The following DPYD variants were observed in gnomAD, a reference collection of about 807,000 sequenced individuals.
DPYD encodes the protein dihydropyrimidine dehydrogenase [NADP(+)].
DPYD carries 109 observed loss-of-function variants against 116.2 expected under a neutral mutation model. That is an observed-to-expected ratio of 0.94 (90% CI 0.80 to 1.10). The LOEUF (loss-of-function observed/expected upper bound fraction) is 1.10, where lower values mean the gene tolerates loss of function less well. Among genes scored for constraint, DPYD ranks in the 50% least tolerant of loss-of-function variants. The pLI is 0.00. For missense variants in DPYD, 1,302 were observed against 1,254.5 expected, an observed-to-expected ratio of 1.04 and a Z score of -0.57; for synonymous variants, 440 against 432.0, an observed-to-expected ratio of 1.02 and a Z score of -0.23.
chr1:97,720,512 G>A (rs950248777), intron 5 of DPYD: 23 of 1,006,192 alleles, frequency 2.3e-5, no homozygotes, highest in South Asian at 4.5e-5. Flanking sequence ...CCACAACCTC[G>A]AATTGTTTTT....
intron 13 of DPYD, among the ~76,000 whole-genome samples, chr1:97,499,969 C>A (rs910110460): frequency 1.3e-5 from 2 of 151,802 alleles, no homozygotes; most frequent in Admixed American, 6.6e-5. Flanking sequence ...ACATTCAGGT[C>A]TCTTATGAAG....
At chr1:97,572,150 C>T (rs970823353) in intron 11 of DPYD, among the ~76,000 whole-genome samples, 4 of 151,776 alleles carry the variant, frequency 2.6e-5, no homozygotes, top group Non-Finnish European at 5.9e-5. Flanking sequence ...TAAGAGGTGG[C>T]ATATGTGAAG....
intron 19 of DPYD, among the ~76,000 whole-genome samples, chr1:97,195,674 A>ATATG (rs1658750437): frequency 1.3e-5 from 1 of 79,730 alleles, no homozygotes; most frequent in African/African-American, 6.0e-5. Flanking sequence ...ATATATATAT[A>ATATG]TATATATATA....
At chr1:97,525,068 C>T (rs1237375232) in intron 12 of DPYD, among the ~76,000 whole-genome samples, 1 of 152,164 alleles carries the variant, frequency 6.6e-6, no homozygotes, top group East Asian at 1.9e-4. Context: ...AATCTATTGT[C>T]CCTTTTTCCA....
At chr1:97,268,832 T>C (rs1664396414) in intron 18 of DPYD, among the ~76,000 whole-genome samples, 1 of 152,212 alleles carries the variant, frequency 6.6e-6, no homozygotes, top group South Asian at 2.1e-4. Context: ...GAATAAAACC[T>C]GGATTTCTTC....
intron 19 of DPYD, among the ~76,000 whole-genome samples, chr1:97,201,430 T>C (rs1202002853): frequency 3.3e-5 from 5 of 152,284 alleles, no homozygotes; most frequent in African/African-American, 9.6e-5. Context: ...CATTGTACTT[T>C]AAAAATGGAT....
chr1:97,263,768 T>A (rs1414548284), intron 18 of DPYD, among the ~76,000 whole-genome samples: 1 of 152,118 alleles, frequency 6.6e-6, no homozygotes, highest in East Asian at 1.9e-4. Context: ...GACATCTACA[T>A]TCTCCTTTTC....
intron 10 of DPYD, among the ~76,000 whole-genome samples, chr1:97,581,302 G>A (rs1316457167): frequency 7.2e-6 from 1 of 139,746 alleles, no homozygotes; most frequent in Admixed American, 7.5e-5. Context: ...ACTCCAGCCT[G>A]GGCGACAGAG....
chr1:97,344,399 T>A (rs187772836), intron 16 of DPYD, among the ~76,000 whole-genome samples: 3 of 151,904 alleles, frequency 2.0e-5, no homozygotes, highest in Non-Finnish European at 4.4e-5. Flanking sequence ...TGTTCATATA[T>A]AGACAATTGT....
At chr1:97,413,014 T>C (rs887469359) in intron 14 of DPYD, among the ~76,000 whole-genome samples, 3 of 152,176 alleles carry the variant, frequency 2.0e-5, no homozygotes, top group African/African-American at 7.2e-5. Flanking sequence ...TTCACATCCA[T>C]GATCATGAAT....
chr1:97,492,537 C>T (rs553154572), intron 13 of DPYD, among the ~76,000 whole-genome samples: 7 of 152,244 alleles, frequency 4.6e-5, no homozygotes, highest in East Asian at 1.9e-4. Flanking sequence ...GGACTATTGA[C>T]GTTCCACGTA....
chr1:97,805,213 C>T (rs778432222), intron 3 of DPYD, among the ~76,000 whole-genome samples: 1 of 151,718 alleles, frequency 6.6e-6, no homozygotes, highest in Admixed American at 6.6e-5. Context: ...GTCAAACAAA[C>T]ATTTAAAACT....
At chr1:97,080,792 T>C (rs1649098457) in intron 22 of DPYD, among the ~76,000 whole-genome samples, 1 of 152,184 alleles carries the variant, frequency 6.6e-6, no homozygotes, top group Non-Finnish European at 1.5e-5. Context: ...TCTATTTTTA[T>C]CTTCTGAGAC....
chr1:97,086,341 C>T (rs1415499884), intron 21 of DPYD, among the ~76,000 whole-genome samples: 1 of 132,594 alleles, frequency 7.5e-6, no homozygotes, highest in African/African-American at 2.7e-5. Flanking sequence ...TGAGCCACGG[C>T]GCCTGGCCAA....
chr1:97,155,648 C>A (rs11165792), intron 20 of DPYD, among the ~76,000 whole-genome samples: 21,393 of 152,170 alleles, frequency 0.14, 1,717 homozygotes, highest in East Asian at 0.29. Context: ...TATTATTTCA[C>A]AGATTCATAT....
intron 14 of DPYD, among the ~76,000 whole-genome samples, chr1:97,394,594 G>C (rs1005617374): frequency 6.6e-6 from 1 of 152,048 alleles, no homozygotes; most frequent in Non-Finnish European, 1.5e-5. Context: ...GAAGAAGTTT[G>C]AAATATTGCA....
chr1:97,397,431 G>T (rs2101623038), intron 14 of DPYD, among the ~76,000 whole-genome samples: 1 of 152,106 alleles, frequency 6.6e-6, no homozygotes, highest in Middle Eastern at 3.4e-3. Flanking sequence ...TATGGGTTTG[G>T]ACAATGTATA....
At chr1:97,854,310 G>T (rs1427298050) in intron 2 of DPYD, among the ~76,000 whole-genome samples, 1 of 152,130 alleles carries the variant, frequency 6.6e-6, no homozygotes, top group Non-Finnish European at 1.5e-5. Flanking sequence ...TTAATAAGCA[G>T]CATCTTTAAT....
intron 18 of DPYD, chr1:97,295,828 T>A: frequency 2.3e-6 from 2 of 880,280 alleles, no homozygotes; most frequent in Non-Finnish European, 2.7e-6. Context: ...CATAAAGTTG[T>A]GTGAAGATTA....
Sources: gnomAD v4.1 joint callset for allele counts (sites outside exome capture counted in the v4.1 genomes callset) on GRCh38, gnomAD v4.1.1 for gene constraint, MANE v1.5 for transcripts, NCBI Gene and HGNC (gene_info 2026-07-23, HGNC 2026-07-21) for gene names.